Variants in TOGARAM2 observed in about 807,000 individuals in gnomAD.
TOGARAM2 encodes the protein TOG array regulator of axonemal microtubules 2.
TOGARAM2 carries 85 observed loss-of-function variants against 93.3 expected under a neutral mutation model. The observed-to-expected ratio is 0.91, with a 90% CI of 0.76 to 1.09. The LOEUF is 1.09. TOGARAM2 is among the 50% of genes least tolerant of loss of function. The pLI is 0.00. For synonymous variants in TOGARAM2, 593 were observed against 552.8 expected (o/e 1.07, Z -1.02); for missense variants, 1,277 against 1,334.5 (o/e 0.96, Z 0.67).
intron 1 of TOGARAM2, among the ~76,000 whole-genome samples, chr2:28,957,684 G>T (rs963025774): frequency 1.3e-5 from 2 of 152,072 alleles, no homozygotes; most frequent in African/African-American, 4.8e-5. Flanking sequence ...CATTGATAAG[G>T]TTTGTTCACA....
At chr2:29,009,567 G>A (rs890183762) in intron 6 of TOGARAM2, among the ~76,000 whole-genome samples, 6 of 151,740 alleles carry the variant, frequency 4.0e-5, no homozygotes, top group South Asian at 2.1e-4. Context: ...GCTAAGCCAC[G>A]GGGTAGATGT....
chr2:29,003,824 C>A, intron 6 of TOGARAM2, 142 bp downstream of exon 6: 1 of 808,938 alleles, frequency 1.2e-6, no homozygotes, highest in Non-Finnish European at 1.8e-6. Context: ...GGGGCTCCAC[C>A]CATGAGCCAC....
In TOGARAM2 at chr2:29,024,331, A is replaced by T. The variant is rs565951659; in HGVS notation, c.1810A>T (p.Thr604Ser). Residue 604 changes from threonine (T) to serine (S), a missense_variant, in exon 13 of 20, where the codon ACC (threonine) becomes TCC (serine). Physicochemically the swap from Thr to Ser is moderately conservative, Grantham distance 58 (BLOSUM62 1). Transcript: ENST00000379558. ...TCTGAGGGCTATGGTGGAGAATGTG[A>T]CCCTTGCCCGCTCCCTGGTGGTCCT... is the stretch of plus-strand genomic sequence containing the variant. ...QSLRAMVENV[T>S]LARSLVVLTS... The T allele has an allele frequency of 2.7e-5, 44 of 1,611,710 alleles. No individual in the cohort carries two copies. The Admixed American group carries it at 7.2e-4, about 26-fold the overall frequency.
At chr2:28,964,960 G>T (rs966224337) in intron 1 of TOGARAM2, among the ~76,000 whole-genome samples, 2 of 152,148 alleles carry the variant, frequency 1.3e-5, no homozygotes, top group African/African-American at 4.8e-5. Flanking sequence ...ATGCGTGTAT[G>T]TATCTTTATA....
At chr2:28,978,459 T>C (rs1396008058), upstream of TOGARAM2, among the ~76,000 whole-genome samples, 2 of 152,156 alleles carry the variant, frequency 1.3e-5, no homozygotes, top group African/African-American at 2.4e-5. Flanking sequence ...TTGCTAGACA[T>C]AGAAACAGCT....
chr2:28,971,492 G>A (rs1193535253), intron 1 of TOGARAM2, among the ~76,000 whole-genome samples: 4 of 152,262 alleles, frequency 2.6e-5, no homozygotes, highest in South Asian at 2.1e-4. Flanking sequence ...GATTATAGGC[G>A]TGGGTCACCA....
intron 1 of TOGARAM2, among the ~76,000 whole-genome samples, chr2:28,958,285 C>A (rs1671753997): frequency 6.6e-6 from 1 of 151,602 alleles, no homozygotes. Context: ...TCCTTTCTCC[C>A]TCACTAGACC....
chr2:29,010,028 G>GGTGT (rs56239245), intron 6 of TOGARAM2, among the ~76,000 whole-genome samples: 66 of 148,770 alleles, frequency 4.4e-4, no homozygotes, highest in South Asian at 1.5e-3. Flanking sequence ...GCTCAGAGCA[G>GGTGT]GTGTGTGTGT....
intron 7 of TOGARAM2, among the ~76,000 whole-genome samples, chr2:29,014,138 C>T (rs1488222118): frequency 2.0e-5 from 3 of 152,214 alleles, no homozygotes; most frequent in Non-Finnish European, 2.9e-5. Flanking sequence ...TGTTTCCCGC[C>T]CAGCCTCCCC....
At chr2:28,994,188 AG>A (rs1192474104) in intron 1 of TOGARAM2, among the ~76,000 whole-genome samples, 3 of 152,068 alleles carry the variant, frequency 2.0e-5, no homozygotes, top group Admixed American at 6.5e-5. Flanking sequence ...GCGGTGGCTG[AG>A]GGGGGTCACA....
intron 1 of TOGARAM2, chr2:28,970,791 ACT>A (rs1671938989): frequency 6.6e-6 from 1 of 152,116 alleles, no homozygotes; most frequent in Admixed American, 6.5e-5. Flanking sequence ...GAGGGAGTGC[ACT>A]CTTTCTATTC....
intron 1 of TOGARAM2, among the ~76,000 whole-genome samples, chr2:28,992,867 C>T (rs1672802574): frequency 6.6e-6 from 1 of 152,050 alleles, no homozygotes; most frequent in South Asian, 2.1e-4. Context: ...TGAGACCAGC[C>T]TCGCCAACAT....
Position 29,035,660 on chromosome 2 carries a change from A to G in TOGARAM2, c.2418+4A>G. On this transcript the variant is annotated splice_donor_region_variant and intron_variant, in intron 17 of 19. Transcript: ENST00000379558. Reference sequence around the variant, plus strand: ...TGTCACTGCCCACCTGGTCCAGGTGAGCACCGCTTGCTTTTACTCTCCCAC... The same window carrying G: ...TGTCACTGCCCACCTGGTCCAGGTGGGCACCGCTTGCTTTTACTCTCCCAC... 2.1e-6 allele frequency: 3 copies of G among 1,426,854 alleles called. No homozygotes were observed. The highest frequency in any genetic ancestry group is 1.9e-4 in the Middle Eastern group (1 of 5,290). The allele number at this position is 1,426,854 out of a possible 1,614,324, so 88.4% of individuals were successfully genotyped here. A position where few individuals can be genotyped will look rare whatever the true frequency, so the allele number is the denominator to read the frequency against.
intron 1 of TOGARAM2, among the ~76,000 whole-genome samples, chr2:28,988,487 G>A (rs1672565120): frequency 6.6e-6 from 1 of 152,068 alleles, no homozygotes; most frequent in African/African-American, 2.4e-5. Flanking sequence ...TCAGCTGTTA[G>A]CACTGGGCTC....
At chr2:29,039,129 A>G (rs1019577717) in intron 18 of TOGARAM2, among the ~76,000 whole-genome samples, 1 of 152,084 alleles carries the variant, frequency 6.6e-6, no homozygotes, top group Non-Finnish European at 1.5e-5. Context: ...AGTCTTCCCA[A>G]ATCACCCAAG....
intron 18 of TOGARAM2, among the ~76,000 whole-genome samples, chr2:29,037,588 C>A (rs1050240741): frequency 6.6e-6 from 1 of 152,140 alleles, no homozygotes; most frequent in African/African-American, 2.4e-5. Flanking sequence ...TCCCCCCGAC[C>A]CCACCCCACT....
chr2:29,042,839 C>G (rs1666516765), intron 18 of TOGARAM2, among the ~76,000 whole-genome samples: 1 of 152,226 alleles, frequency 6.6e-6, no homozygotes, highest in African/African-American at 2.4e-5. Flanking sequence ...GCAATTATGC[C>G]TTTTACAGAC....
intron 5 of TOGARAM2, 77 bp from the exon 6 acceptor site, chr2:29,003,415 G>A (rs1673422812): frequency 1.6e-6 from 2 of 1,257,340 alleles, no homozygotes; most frequent in Non-Finnish European, 2.1e-6. Context: ...GTCCCACACT[G>A]TGTGAGGTGC....
chr2:29,005,118 G>GTAT (rs1558421708), intron 6 of TOGARAM2, among the ~76,000 whole-genome samples: 1 of 144,560 alleles, frequency 6.9e-6, no homozygotes, highest in African/African-American at 2.7e-5. Flanking sequence ...CATGTGTATG[G>GTAT]GTGTGTGTGC....
Sources: gnomAD v4.1 joint callset for allele counts (sites outside exome capture counted in the v4.1 genomes callset) on GRCh38, gnomAD v4.1.1 for gene constraint, MANE v1.5 for transcripts, NCBI Gene and HGNC (gene_info 2026-07-23, HGNC 2026-07-21) for gene names.